Variants in PLCB4 observed in about 807,000 individuals in gnomAD.
The protein encoded by PLCB4 is phospholipase C beta 4.
A neutral mutation model predicts 178.8 loss-of-function variants in PLCB4; 77 were observed. That is an observed-to-expected ratio of 0.43 (90% CI 0.36 to 0.52). The LOEUF is 0.52. PLCB4 is among the 20% of genes least tolerant of loss of function. PLCB4 has a pLI of 0.00. For missense variants in PLCB4, 1,024 were observed against 1,453.4 expected (o/e 0.70, Z 4.80); for synonymous variants, 496 against 490.8 (o/e 1.01, Z -0.14).
intron 1 of PLCB4, among the ~76,000 whole-genome samples, chr20:9,095,764 A>G (rs2090886794): frequency 1.3e-5 from 2 of 152,130 alleles, no homozygotes; most frequent in Admixed American, 1.3e-4. Flanking sequence ...AGAAAAATAG[A>G]GCCCATAAAT....
At chr20:9,257,345 T>C (rs2094246919) in intron 3 of PLCB4, among the ~76,000 whole-genome samples, 1 of 152,230 alleles carries the variant, frequency 6.6e-6, no homozygotes, top group South Asian at 2.1e-4. Flanking sequence ...CATTCATTTA[T>C]TGGTTAAGCT....
intron 3 of PLCB4, among the ~76,000 whole-genome samples, chr20:9,264,408 C>G (rs542377821): frequency 1.3e-4 from 20 of 152,116 alleles, no homozygotes; most frequent in Non-Finnish European, 2.4e-4. Flanking sequence ...TATAAAAATC[C>G]TTACTTTGTA....
chr20:9,310,797 T>G (rs898798928), intron 4 of PLCB4, among the ~76,000 whole-genome samples: 2 of 152,188 alleles, frequency 1.3e-5, no homozygotes, highest in African/African-American at 2.4e-5. Context: ...GGCACTGTTT[T>G]AAAAATAGTC....
At chr20:9,140,992 C>A (rs538777539) in intron 2 of PLCB4, among the ~76,000 whole-genome samples, 1 of 152,182 alleles carries the variant, frequency 6.6e-6, no homozygotes, top group South Asian at 2.1e-4. Flanking sequence ...TTGGGGACTG[C>A]CGCTCATCCC....
At chr20:9,069,636 TG>T (rs1038459071) in intron 1 of PLCB4, among the ~76,000 whole-genome samples, 11 of 152,244 alleles carry the variant, frequency 7.2e-5, no homozygotes, top group African/African-American at 2.4e-4. Context: ...TAGCACTCAT[TG>T]GGGGCAGGGT....
chr20:9,269,131 G>A (rs1369326937), intron 3 of PLCB4, among the ~76,000 whole-genome samples: 1 of 152,314 alleles, frequency 6.6e-6, no homozygotes, highest in African/African-American at 2.4e-5. Context: ...CTTTAAACAA[G>A]TCTACAGCAC....
intron 24 of PLCB4, 149 bp from the exon 25 acceptor site, chr20:9,410,888 T>G: frequency 1.7e-6 from 1 of 593,742 alleles, no homozygotes; most frequent in Non-Finnish European, 3.0e-6. Context: ...GAAGAGAGTA[T>G]GCCTTAAATA....
intron 28 of PLCB4, among the ~76,000 whole-genome samples, chr20:9,424,789 C>T (rs1338748897): frequency 2.0e-5 from 3 of 152,118 alleles, no homozygotes; most frequent in Non-Finnish European, 2.9e-5. Flanking sequence ...TGTATGAGCG[C>T]ATGGGGGTGG....
chr20:9,310,642 G>A (rs2094821636), intron 4 of PLCB4, among the ~76,000 whole-genome samples: 1 of 152,186 alleles, frequency 6.6e-6, no homozygotes, highest in South Asian at 2.1e-4. Flanking sequence ...AACCCAAGAG[G>A]CAGAGGGTGC....
intron 2 of PLCB4, among the ~76,000 whole-genome samples, chr20:9,150,735 C>T (rs2092677653): frequency 6.6e-6 from 1 of 152,182 alleles, no homozygotes. Context: ...CCTGCCAGGG[C>T]TGCCAGATTC....
chr20:9,421,456 C>T lies in PLCB4; in HGVS notation c.2314C>T (p.Arg772Trp), dbSNP rs148851937. Reference protein sequence around the residue: ...PVYNEESFVFRKVILPDLAVL... With the variant: ...PVYNEESFVFWKVILPDLAVL... ...TTACAATGAAGAGTCATTTGTATTT[C>T]GGAAGGTAGGACATTTTCAGCACGT... is the stretch of plus-strand genomic sequence containing the variant. Residue 772 changes from arginine (R) to tryptophan (W), a missense_variant, in exon 27 of 40, where the codon CGG (arginine) becomes TGG (tryptophan). Arg to Trp is a moderately radical substitution (Grantham distance 101). Coordinates refer to ENST00000378473, the MANE Select transcript of PLCB4 (RefSeq NM_001377142.1). 3 of 1,611,816 alleles carry T rather than the reference C, an allele frequency of 1.9e-6. No homozygotes were observed. Among genetic ancestry groups the T allele is most frequent in the Admixed American group, 1.7e-5 (1 of 59,912 alleles).
intron 2 of PLCB4, among the ~76,000 whole-genome samples, chr20:9,196,422 A>G (rs769802579): frequency 1.2e-4 from 19 of 152,100 alleles, no homozygotes; most frequent in Non-Finnish European, 2.4e-4. Context: ...TTTATCTTAG[A>G]CTTTGATGAA....
At chr20:9,259,707 C>T (rs561199721) in intron 3 of PLCB4, among the ~76,000 whole-genome samples, 17 of 152,110 alleles carry the variant, frequency 1.1e-4, no homozygotes, top group African/African-American at 4.1e-4. Context: ...CCCAGCATCC[C>T]AACCATGTGT....
chr20:9,151,545 T>A (rs6056431), intron 2 of PLCB4, among the ~76,000 whole-genome samples: 1 of 152,044 alleles, frequency 6.6e-6, no homozygotes, highest in Non-Finnish European at 1.5e-5. Context: ...CTTTTGCTTC[T>A]TCCTCATTTT....
At chr20:9,417,376 CA>C (rs1186144498) in intron 25 of PLCB4, among the ~76,000 whole-genome samples, 1 of 152,030 alleles carries the variant, frequency 6.6e-6, no homozygotes, top group Non-Finnish European at 1.5e-5. Context: ...TTTCATCTCC[CA>C]ATAGGAATTT....
Position 9,179,310 on chromosome 20 carries a change from G to C in PLCB4, c.-78-38080G>C, listed in dbSNP as rs576534899. 2.0e-5 allele frequency among the ~76,000 whole-genome samples: 3 copies of C among 152,258 alleles called. No individual in the cohort carries two copies. The South Asian group carries it at 6.2e-4, about 32-fold the overall frequency. On this transcript the variant is annotated intron_variant, in intron 2 of 39. Coordinates refer to ENST00000378473, the MANE Select transcript of PLCB4 (RefSeq NM_001377142.1). ...GAGGGAGAGTTCAAAGCATGAAAGG[G>C]AGCAGGAGACTCAATATTGCTGGCT...
At chr20:9,424,333 T>G (rs2040849784) in intron 28 of PLCB4, among the ~76,000 whole-genome samples, 1 of 152,158 alleles carries the variant, frequency 6.6e-6, no homozygotes, top group Non-Finnish European at 1.5e-5. Flanking sequence ...TAAATTGAAC[T>G]CAGCTATCAA....
chr20:9,242,648 T>C (rs576648305), intron 3 of PLCB4, among the ~76,000 whole-genome samples: 89 of 152,344 alleles, frequency 5.8e-4, no homozygotes, highest in African/African-American at 2.1e-3. Context: ...TGGCTTAGGC[T>C]GTTTAGCTGG....
intron 39 of PLCB4, among the ~76,000 whole-genome samples, chr20:9,477,799 A>G (rs890154892): frequency 2.0e-5 from 3 of 152,212 alleles, no homozygotes; most frequent in African/African-American, 7.2e-5. Flanking sequence ...AGGAAATCAC[A>G]GTATAGTCTG....
Sources: gnomAD v4.1 joint callset for allele counts (sites outside exome capture counted in the v4.1 genomes callset) on GRCh38, gnomAD v4.1.1 for gene constraint, MANE v1.5 for transcripts, NCBI Gene and HGNC (gene_info 2026-07-23, HGNC 2026-07-21) for gene names.